ITGB6: variants seen among roughly 807,000 people sequenced by gnomAD.
ITGB6 encodes integrin beta-6.
Under a neutral mutation model 84.5 loss-of-function variants are expected in ITGB6, and 80 were observed. The observed-to-expected ratio is 0.95, with a 90% CI of 0.79 to 1.14. The LOEUF (loss-of-function observed/expected upper bound fraction) is 1.14. ITGB6 is among the 50% of genes most tolerant of loss of function. ITGB6 has a pLI of 0.00. For synonymous variants in ITGB6, 383 were observed against 354.9 expected, an observed-to-expected ratio of 1.08 and a Z score of -0.89; for missense variants, 1,006 against 968.0, an observed-to-expected ratio of 1.04 and a Z score of -0.52.
intron 7 of ITGB6, among the ~76,000 whole-genome samples, chr2:160,165,396 T>C (rs527770154): frequency 3.2e-4 from 49 of 152,326 alleles, no homozygotes; most frequent in Non-Finnish European, 6.2e-4. Flanking sequence ...AGATTTCCAC[T>C]GGAGCAAAAT....
chr2:160,179,307 C>G (rs1328977188), intron 4 of ITGB6, among the ~76,000 whole-genome samples: 1 of 151,750 alleles, frequency 6.6e-6, no homozygotes, highest in African/African-American at 2.4e-5. Flanking sequence ...CAATAAGAAA[C>G]TATATACCAT....
chr2:160,193,059 A>G (rs1686202741), intron 4 of ITGB6, among the ~76,000 whole-genome samples: 1 of 152,206 alleles, frequency 6.6e-6, no homozygotes, highest in South Asian at 2.1e-4. Context: ...TGGTATGTTC[A>G]CTTTGGAAAA....
chr2:160,134,426 C>A (rs1310395381), intron 10 of ITGB6, among the ~76,000 whole-genome samples: 2 of 152,094 alleles, frequency 1.3e-5, no homozygotes, highest in Non-Finnish European at 2.9e-5. Context: ...GCTTACCAAC[C>A]AAAAACAGTC....
chr2:160,162,543 TA>T, intron 7 of ITGB6, among the ~76,000 whole-genome samples: 1 of 152,166 alleles, frequency 6.6e-6, no homozygotes, highest in Non-Finnish European at 1.5e-5. Flanking sequence ...TTCATTTGTT[TA>T]AAAAATCCAA....
intron 13 of ITGB6, among the ~76,000 whole-genome samples, chr2:160,111,641 G>A (rs984669204): frequency 1.2e-4 from 17 of 145,360 alleles, no homozygotes; most frequent in African/African-American, 3.4e-4. Flanking sequence ...GTGCAGTGGC[G>A]CGATCTCGGA....
chr2:160,152,538 A>C lies in ITGB6; in HGVS notation c.1018-10467T>G, dbSNP rs182880761. On this transcript the variant is annotated intron_variant, in intron 7 of 14. Coordinates refer to ENST00000283249, the MANE Select transcript of ITGB6 (RefSeq NM_000888.5). ...AAGCATTCCCTTTGAAAACTGGCAC[A>C]AGACAGGGATGCCCTCTCTCACCAC... is the stretch of plus-strand genomic sequence containing the variant. 8.7e-3 allele frequency among the ~76,000 whole-genome samples: 1,330 copies of C among 152,298 alleles called. 28 individuals carry two copies. The highest frequency in any genetic ancestry group is 0.031 in the African/African-American group (1,284 of 41,566).
rs1370619028 is a variant in ITGB6 at position 160,136,927 on chromosome 2, G to A, written c.1660+507C>T. ...GGGGTGGGGGGAAGGGGGAGGGATA[G>A]CATTAGGAGATATACCTAATGTTAA... On this transcript the variant is annotated intron_variant, in intron 10 of 14. Transcript: ENST00000283249. Among the ~76,000 whole-genome samples the A allele has an allele frequency of 3.9e-5, 6 of 152,034 alleles. No homozygotes were observed. The East Asian group carries it at 5.8e-4, about 15-fold the overall frequency.
chr2:160,189,571 G>T (rs562987102), intron 4 of ITGB6, among the ~76,000 whole-genome samples: 21 of 152,330 alleles, frequency 1.4e-4, no homozygotes, highest in African/African-American at 4.8e-4. Flanking sequence ...GTCAAAAGAA[G>T]ACATTTATGC....
chr2:160,156,124 G>A (rs1684613198), intron 7 of ITGB6, among the ~76,000 whole-genome samples: 1 of 152,174 alleles, frequency 6.6e-6, no homozygotes, highest in African/African-American at 2.4e-5. Context: ...TTGTCATCAA[G>A]GGGATGCTTC....
chr2:160,152,704 A>G (rs561293741), intron 7 of ITGB6, among the ~76,000 whole-genome samples: 19 of 152,260 alleles, frequency 1.2e-4, no homozygotes, highest in Admixed American at 2.6e-4. Context: ...AAACCCCATC[A>G]TCTCAGCCCA....
chr2:160,188,708 A>G (rs1686010175), intron 4 of ITGB6, among the ~76,000 whole-genome samples: 1 of 151,526 alleles, frequency 6.6e-6, no homozygotes, highest in Non-Finnish European at 1.5e-5. Flanking sequence ...GGTTTAAGTG[A>G]TTCTCCTGCC....
At chr2:160,139,530 A>G (rs1683909501) in intron 8 of ITGB6, among the ~76,000 whole-genome samples, 1 of 152,184 alleles carries the variant, frequency 6.6e-6, no homozygotes, top group Admixed American at 6.5e-5. Context: ...TAGAGTCAGG[A>G]GCTAAATAAA....
At position 160,200,230 on chromosome 2, in the gene ITGB6, T is replaced by C. The variant is rs1414108313; in HGVS notation, c.-167A>G. 1.7e-6 allele frequency: 1 copy of C among 576,524 alleles called. No individual in the cohort carries two copies. Among genetic ancestry groups the C allele is most frequent in the Admixed American group, 3.5e-5 (1 of 28,578 alleles). The allele number at this position is 576,524 out of a possible 1,614,324, so 35.7% of individuals were successfully genotyped here. A position where few individuals can be genotyped will look rare whatever the true frequency, so the allele number is the denominator to read the frequency against. On this transcript the variant is annotated 5_prime_UTR_variant, in exon 1 of 15. An upstream start codon of the reference 5' UTR is lost. Transcript: ENST00000283249. ...TGAGATATAAGTTAGAAAGTTTTCA[T>C]TAAGACTGAAATGAAAACAGAGGCT...
At chr2:160,183,122 G>C (rs143050933) in intron 4 of ITGB6, among the ~76,000 whole-genome samples, 5 of 152,286 alleles carry the variant, frequency 3.3e-5, no homozygotes, top group African/African-American at 1.2e-4. Context: ...ACAATGGTAG[G>C]ATCAGATTCA....
At chr2:160,126,667 G>T in intron 10 of ITGB6, 66 bp from the exon 11 acceptor site, 4 of 1,454,972 alleles carry the variant, frequency 2.7e-6, no homozygotes, top group Non-Finnish European at 3.8e-6. Flanking sequence ...GGGGGTGAGG[G>T]GCATCTTTTC....
intron 7 of ITGB6, among the ~76,000 whole-genome samples, chr2:160,165,513 C>T (rs994425024): frequency 5.3e-5 from 8 of 152,156 alleles, no homozygotes; most frequent in African/African-American, 1.9e-4. Flanking sequence ...ATTTTCTCTG[C>T]CTCTTTTCCT....
intron 4 of ITGB6, among the ~76,000 whole-genome samples, chr2:160,178,426 G>A (rs6432607): frequency 1 from 152,145 of 152,386 alleles, 75,952 homozygotes; most frequent in Middle Eastern, 1. Context: ...GATCCACAGA[G>A]GTAGCAGTCC....
chr2:160,135,002 G>A lies in ITGB6; in HGVS notation c.1660+2432C>T, dbSNP rs548328839. 8.7e-3 allele frequency among the ~76,000 whole-genome samples: 1,322 copies of A among 152,186 alleles called. 18 individuals are homozygous for A. Among genetic ancestry groups the A allele is most frequent in the African/African-American group, 0.03 (1,253 of 41,498 alleles). ...CCCTTTGAAAACTGGCACAAGACAG[G>A]GATGCCCTCTCTCACCACTCCTGTT... On this transcript the variant is annotated intron_variant, in intron 10 of 14. Transcript: ENST00000283249.
At chr2:160,171,337 ATT>A (rs71408117) in intron 6 of ITGB6, among the ~76,000 whole-genome samples, 4 of 141,302 alleles carry the variant, frequency 2.8e-5, no homozygotes, top group Admixed American at 7.2e-5. Flanking sequence ...TTATTTTTTT[ATT>A]TTTTTTTTTT....
Sources: gnomAD v4.1 joint callset for allele counts (sites outside exome capture counted in the v4.1 genomes callset) on GRCh38, gnomAD v4.1.1 for gene constraint, MANE v1.5 for transcripts, NCBI Gene and HGNC (gene_info 2026-07-23, HGNC 2026-07-21) for gene names.